The following PHC2 variants were observed in gnomAD, a reference collection of about 807,000 sequenced individuals.
PHC2 encodes the protein polyhomeotic homolog 2, also known as polyhomeotic-like protein 2.
A neutral mutation model predicts 87.4 loss-of-function variants in PHC2; 29 were observed. The observed-to-expected ratio is 0.33, with a 90% CI of 0.25 to 0.45. The LOEUF (loss-of-function observed/expected upper bound fraction) is 0.45. PHC2 is among the 20% of genes least tolerant of loss of function. PHC2 has a pLI of 1.00. For synonymous variants in PHC2, 438 were observed against 461.7 expected (o/e 0.95, Z 0.66); for missense variants, 857 against 1,136.7 (o/e 0.75, Z 3.54).
rs919845486 is a variant in PHC2 at position 33,331,669 on chromosome 1, T to C, written c.1892-207A>G. The C allele has an allele frequency of 1.3e-5, 6 of 463,710 alleles. No individual in the cohort carries two copies. Among genetic ancestry groups the C allele is most frequent in the Admixed American group, 3.7e-5 (1 of 27,038 alleles). The allele number at this position is 463,710 out of a possible 1,614,324, so 28.7% of individuals were successfully genotyped here. A position where few individuals can be genotyped will look rare whatever the true frequency, so the allele number is the denominator to read the frequency against. On this transcript the variant is annotated intron_variant, in intron 11 of 14. Transcript: ENST00000683057. This position sits in a 1 kb window ranked among gnomAD's most constrained non-coding sequence, Gnocchi z 5.2. ...GTGTCTGGGGATGCCCCTTGTAGACTTGACATTTTTTTCTTCCACGTGGTC... is the reference window on the plus strand; with the variant it reads ...GTGTCTGGGGATGCCCCTTGTAGACCTGACATTTTTTTCTTCCACGTGGTC...
At position 33,372,279 on chromosome 1, in the gene PHC2, C is replaced by A; in HGVS notation, c.333+10G>T. ...CTGGCACCAGCCTCAAGGTCCTTCC[C>A]AAGTCTCACCTGCTGTACGGCTGCC... is the stretch of plus-strand genomic sequence containing the variant. On this transcript the variant is annotated intron_variant, in intron 3 of 14. Coordinates refer to ENST00000683057, the MANE Select transcript of PHC2 (RefSeq NM_001385109.1). 1 of 1,529,896 alleles carries A rather than the reference C, an allele frequency of 6.5e-7. No individual in the cohort carries two copies. Among genetic ancestry groups the A allele is most frequent in the South Asian group, 1.3e-5 (1 of 79,986 alleles). 94.8% of individuals were successfully genotyped at this position (1,529,896 alleles called of 1,614,324 possible). A position where few individuals can be genotyped will look rare whatever the true frequency, so the allele number is the denominator to read the frequency against.
At chr1:33,373,552 G>C (rs1161463000) in intron 2 of PHC2, among the ~76,000 whole-genome samples, 2 of 151,934 alleles carry the variant, frequency 1.3e-5, no homozygotes, top group African/African-American at 4.8e-5. Flanking sequence ...AGGACAAAAG[G>C]CTGTCCTTTG....
chr1:33,326,173 A>C (rs1254474482), intron 14 of PHC2: 7 of 214,636 alleles, frequency 3.3e-5, no homozygotes, highest in African/African-American at 1.4e-4. Context: ...AATAGGAGAG[A>C]GAGAAGGTAA....
rs770286543 is a variant in PHC2 at position 33,354,482 on chromosome 1, G to A, written c.1477C>T (p.His493Tyr). Reference sequence around the variant, plus strand: ...ATGGCAGTGACAATAGCCTGCTGATGTGGTGATGGGCCAGACCGCGTCTCA... The same window carrying A: ...ATGGCAGTGACAATAGCCTGCTGATATGGTGATGGGCCAGACCGCGTCTCA... Reference protein sequence around the residue: ...VPETRSGPSPHQQAIVTAMPG... With the variant: ...VPETRSGPSPYQQAIVTAMPG... The change falls in exon 9 of 15, where the codon CAT becomes TAT. Residue 493 changes from histidine (H) to tyrosine (Y), a missense_variant. His to Tyr is a moderately conservative substitution (Grantham distance 83). Around this residue, in one of 3 missense-constraint regions of PHC2, gnomAD observed 832 missense variants for 1,081.8 expected, o/e 0.77. Coordinates refer to ENST00000683057, the MANE Select transcript of PHC2 (RefSeq NM_001385109.1). 2 of 1,614,096 alleles carry A rather than the reference G, an allele frequency of 1.2e-6. No homozygotes were observed. Among genetic ancestry groups the A allele is most frequent in the Non-Finnish European group, 1.7e-6 (2 of 1,179,966 alleles).
intron 9 of PHC2, chr1:33,346,215 G>T: frequency 1.0e-6 from 1 of 984,644 alleles, no homozygotes; most frequent in Non-Finnish European, 1.2e-6. Context: ...CTTTCCCATA[G>T]GGCTGGGGAC....
chr1:33,326,999 G>T (rs775105808), intron 14 of PHC2, among the ~76,000 whole-genome samples: 3 of 152,130 alleles, frequency 2.0e-5, no homozygotes, highest in South Asian at 2.1e-4. Context: ...AAAGGAGGAA[G>T]CAGGCTGAGA....
In PHC2 at chr1:33,349,323, G is replaced by C; in HGVS notation, c.1558+5078C>G. 2 of 983,840 alleles carry C rather than the reference G, an allele frequency of 2.0e-6. No homozygotes were observed. Among genetic ancestry groups the C allele is most frequent in the Non-Finnish European group, 2.4e-6 (2 of 828,850 alleles). 60.9% of individuals were successfully genotyped at this position (983,840 alleles called of 1,614,324 possible). A position where few individuals can be genotyped will look rare whatever the true frequency, so the allele number is the denominator to read the frequency against. On this transcript the variant is annotated intron_variant, in intron 9 of 14. Transcript: ENST00000683057. The surrounding 1 kb of genome is among the most constrained non-coding windows in gnomAD (Gnocchi z 4.2). ...GCCGGTCCTAGGTTGGGGCTGGGGT[G>C]GGGTGTGCGGGGCCTGGGGACGCGG...
At chr1:33,421,379 A>G (rs1030450798) in intron 1 of PHC2, among the ~76,000 whole-genome samples, 3 of 151,606 alleles carry the variant, frequency 2.0e-5, no homozygotes, top group Non-Finnish European at 4.4e-5. Flanking sequence ...GGGAAATAAG[A>G]AAAAAAATAA....
At chr1:33,335,640 A>G (rs2148214164) in intron 9 of PHC2, among the ~76,000 whole-genome samples, 1 of 152,352 alleles carries the variant, frequency 6.6e-6, no homozygotes, top group East Asian at 1.9e-4. Flanking sequence ...GGCGGCTCAC[A>G]CCTGTAATCT....
At chr1:33,357,873 C>G (rs1366143684) in intron 7 of PHC2, among the ~76,000 whole-genome samples, 1 of 152,152 alleles carries the variant, frequency 6.6e-6, no homozygotes, top group Admixed American at 6.5e-5. Flanking sequence ...TCATGGATTC[C>G]TGCTCCTGGG....
intron 1 of PHC2, among the ~76,000 whole-genome samples, chr1:33,398,138 G>A (rs1456841642): frequency 2.0e-5 from 3 of 152,186 alleles, no homozygotes; most frequent in Admixed American, 6.5e-5. Flanking sequence ...ACCTGAAACT[G>A]AAAAGCATTG....
chr1:33,413,309 C>T (rs1216234694), intron 1 of PHC2, among the ~76,000 whole-genome samples: 1 of 152,156 alleles, frequency 6.6e-6, no homozygotes, highest in Non-Finnish European at 1.5e-5. Flanking sequence ...TGTACCACGA[C>T]AACAGAAATA....
chr1:33,430,384 C>A (rs573169593), intron 1 of PHC2, among the ~76,000 whole-genome samples: 1 of 152,330 alleles, frequency 6.6e-6, no homozygotes, highest in African/African-American at 2.4e-5. Context: ...CCCCGGTTCC[C>A]TCTGCTGGTG....
intron 14 of PHC2, among the ~76,000 whole-genome samples, chr1:33,327,902 G>A (rs563511197): frequency 2.6e-5 from 4 of 152,320 alleles, no homozygotes; most frequent in Admixed American, 6.5e-5. Flanking sequence ...GAGGCAGAAC[G>A]GCCCAGGAAG....
intron 1 of PHC2, among the ~76,000 whole-genome samples, chr1:33,407,291 A>G (rs1436583835): frequency 6.6e-6 from 1 of 152,176 alleles, no homozygotes; most frequent in Non-Finnish European, 1.5e-5. Flanking sequence ...TACTCAGGGT[A>G]TCTTGTTATT....
chr1:33,381,880 CCCTT>C (rs952392713), intron 1 of PHC2, among the ~76,000 whole-genome samples: 2 of 152,044 alleles, frequency 1.3e-5, no homozygotes, highest in African/African-American at 4.8e-5. Context: ...ACCATAATCT[CCCTT>C]GTTTTTTCTA....
At position 33,334,390 on chromosome 1, in the gene PHC2, A is replaced by C; in HGVS notation, c.1559-98T>G. ...AGGACTCAAACTGCGCCCGGCTTTT[A>C]CCGTGGGGCCAAGCGACAATGCAAA... On this transcript the variant is annotated intron_variant, in intron 9 of 14. Coordinates refer to ENST00000683057, the MANE Select transcript of PHC2 (RefSeq NM_001385109.1). The surrounding 1 kb of genome is among the most constrained non-coding windows in gnomAD (Gnocchi z 5.5). The C allele has an allele frequency of 9.3e-7, 1 of 1,070,564 alleles. No homozygotes were observed. The highest frequency in any genetic ancestry group is 1.4e-6 in the Non-Finnish European group (1 of 723,366). The allele number at this position is 1,070,564 out of a possible 1,614,324, so 66.3% of individuals were successfully genotyped here.
chr1:33,375,015 C>A (rs988526600), intron 2 of PHC2, among the ~76,000 whole-genome samples: 2 of 152,186 alleles, frequency 1.3e-5, no homozygotes, highest in African/African-American at 4.8e-5. Flanking sequence ...TTTGGGGGTT[C>A]TCTTTGGCTT....
rs1033418111 is a variant in PHC2 at position 33,364,230 on chromosome 1, C to A, written c.976+2886G>T. Among the ~76,000 whole-genome samples, 1 of 152,016 alleles carries A rather than the reference C, an allele frequency of 6.6e-6. No individual in the cohort carries two copies. The highest frequency in any genetic ancestry group is 1.9e-4 in the East Asian group (1 of 5,164). ...GGAGAACACATTCCTCACTGCCATACCCCCTCCTACTGGCCCACTGCAAGT... is the reference window on the plus strand; with the variant it reads ...GGAGAACACATTCCTCACTGCCATAACCCCTCCTACTGGCCCACTGCAAGT... On this transcript the variant is annotated intron_variant, in intron 7 of 14. Coordinates refer to ENST00000683057, the MANE Select transcript of PHC2 (RefSeq NM_001385109.1). This position sits in a 1 kb window ranked among gnomAD's most constrained non-coding sequence, Gnocchi z 4.1.
Sources: gnomAD v4.1 joint callset for allele counts (sites outside exome capture counted in the v4.1 genomes callset) on GRCh38, gnomAD v4.1.1 for gene constraint, gnomAD v4.1.1 regional missense constraint, Gnocchi (gnomAD v3.1) non-coding constraint, MANE v1.5 for transcripts, NCBI Gene and HGNC (gene_info 2026-07-23, HGNC 2026-07-21) for gene names.